The following NCALD variants were observed in gnomAD, a reference collection of about 807,000 sequenced individuals.
NCALD encodes the protein neurocalcin delta.
A neutral mutation model predicts 18.6 loss-of-function variants in NCALD; 10 were observed. The observed-to-expected ratio is 0.54, with a 90% CI of 0.33 to 0.91. NCALD has a LOEUF of 0.91. Among genes scored for constraint, NCALD ranks in the 40% least tolerant of loss-of-function variants. The pLI is 0.03. For missense variants in NCALD, 184 were observed against 247.6 expected (o/e 0.74, Z 1.72); for synonymous variants, 88 against 87.4 (o/e 1.01, Z -0.04).
At chr8:102,085,075 C>T (rs1395126303) in intron 1 of NCALD, among the ~76,000 whole-genome samples, 1 of 152,142 alleles carries the variant, frequency 6.6e-6, no homozygotes, top group Non-Finnish European at 1.5e-5. Flanking sequence ...AGGGTCTGTA[C>T]ATGCACACGC....
intron 2 of NCALD, among the ~76,000 whole-genome samples, chr8:101,711,951 C>A (rs1815816338): frequency 6.6e-6 from 1 of 152,022 alleles, no homozygotes; most frequent in Non-Finnish European, 1.5e-5. Flanking sequence ...AGAAGAGCAA[C>A]CCCAAGGCAC....
intron 2 of NCALD, among the ~76,000 whole-genome samples, chr8:102,003,812 T>A (rs1821583273): frequency 6.6e-6 from 1 of 152,178 alleles, no homozygotes; most frequent in Non-Finnish European, 1.5e-5. Context: ...GAAAAGGCCT[T>A]TGACAAAATT....
chr8:101,949,352 GTC>G (rs1476784437), intron 2 of NCALD, among the ~76,000 whole-genome samples: 1 of 151,952 alleles, frequency 6.6e-6, no homozygotes, highest in African/African-American at 2.4e-5. Flanking sequence ...TCACAGGTCA[GTC>G]TCTCTTCTTT....
At chr8:102,109,312 T>G (rs1279419258) in intron 1 of NCALD, among the ~76,000 whole-genome samples, 1 of 150,390 alleles carries the variant, frequency 6.6e-6, no homozygotes, top group East Asian at 1.9e-4. Context: ...TTTTTTTTTT[T>G]AAGCCTAATT....
chr8:102,047,518 G>T (rs758117461), intron 1 of NCALD, among the ~76,000 whole-genome samples: 1 of 152,206 alleles, frequency 6.6e-6, no homozygotes, highest in Non-Finnish European at 1.5e-5. Flanking sequence ...CTGAGAAACT[G>T]AAATGTTAGC....
At chr8:101,915,681 A>C (rs1817949168) in intron 3 of NCALD, 1 of 152,216 alleles carries the variant, frequency 6.6e-6, no homozygotes, top group Non-Finnish European at 1.5e-5. Context: ...TTATATATAC[A>C]AAACTCCCAT....
intron 2 of NCALD, among the ~76,000 whole-genome samples, chr8:101,937,852 G>A (rs902330620): frequency 2.0e-5 from 3 of 152,126 alleles, no homozygotes; most frequent in Non-Finnish European, 4.4e-5. Context: ...CAAATAATTA[G>A]ATTAGTGGTA....
Position 101,833,610 on chromosome 8 carries a change from GT to G in NCALD, c.-20+53530del, listed in dbSNP as rs555031298. On this transcript the variant is annotated intron_variant, in intron 4 of 6. Transcript: ENST00000311028. ...ATGAAATTACTGTTTTTTGTTTCTT[GT>G]TTTTTTTTTTTTTTTTTTTTTTGGT... Among the ~76,000 whole-genome samples the G allele has an allele frequency of 5.8e-3, 514 of 88,392 alleles. 1 individual carries two copies. Among genetic ancestry groups the G allele is most frequent in the Middle Eastern group, 0.025 (3 of 120 alleles). The allele number at this position is 88,392 out of a possible 152,430, so 58.0% of individuals were successfully genotyped here.
intron 1 of NCALD, among the ~76,000 whole-genome samples, chr8:102,026,100 C>A (rs1180757242): frequency 2.6e-5 from 4 of 152,164 alleles, no homozygotes; most frequent in Non-Finnish European, 4.4e-5. Context: ...ATCCCACCTA[C>A]AACACATGGG....
chr8:102,033,841 A>G (rs2132148708), intron 1 of NCALD, among the ~76,000 whole-genome samples: 1 of 152,294 alleles, frequency 6.6e-6, no homozygotes, highest in Admixed American at 6.5e-5. Context: ...ACTTTTCAGG[A>G]GTAAAGATTT....
At chr8:102,072,793 C>T (rs1229318284) in intron 1 of NCALD, among the ~76,000 whole-genome samples, 1 of 152,092 alleles carries the variant, frequency 6.6e-6, no homozygotes, top group Non-Finnish European at 1.5e-5. Flanking sequence ...CAAGCATTAA[C>T]CATGGGACAC....
chr8:101,978,701 T>C (rs985886353), intron 2 of NCALD, among the ~76,000 whole-genome samples: 1 of 152,064 alleles, frequency 6.6e-6, no homozygotes, highest in Non-Finnish European at 1.5e-5. Context: ...CTAACATGCA[T>C]GAGGGGGCAG....
At chr8:102,118,163 G>C (rs779469031) in intron 1 of NCALD, among the ~76,000 whole-genome samples, 2 of 152,230 alleles carry the variant, frequency 1.3e-5, no homozygotes, top group African/African-American at 4.8e-5. Flanking sequence ...AGATCAGAGA[G>C]TGGAAGAGAG....
intron 1 of NCALD, among the ~76,000 whole-genome samples, chr8:101,724,901 A>T (rs766501412): frequency 1.3e-5 from 2 of 152,230 alleles, no homozygotes. Context: ...ATCCATAAAA[A>T]GTCAGAAAGA....
intron 1 of NCALD, among the ~76,000 whole-genome samples, chr8:102,029,776 G>C (rs1252831714): frequency 6.6e-6 from 1 of 152,156 alleles, no homozygotes; most frequent in Non-Finnish European, 1.5e-5. Flanking sequence ...TTGCGGTCAG[G>C]ACGAGAAATT....
intron 2 of NCALD, among the ~76,000 whole-genome samples, chr8:101,958,460 G>T (rs1211929181): frequency 3.3e-5 from 5 of 152,142 alleles, no homozygotes. Flanking sequence ...ACTCCTTGGA[G>T]TTCGTTCAAG....
At chr8:101,740,921 T>A (rs969100815) in intron 1 of NCALD, among the ~76,000 whole-genome samples, 3 of 152,212 alleles carry the variant, frequency 2.0e-5, no homozygotes, top group African/African-American at 7.2e-5. Context: ...TAATTTAACT[T>A]CTATTCAACT....
intron 4 of NCALD, among the ~76,000 whole-genome samples, chr8:101,870,251 T>C (rs905421801): frequency 1.3e-5 from 2 of 152,218 alleles, no homozygotes; most frequent in Admixed American, 1.3e-4. Flanking sequence ...ATGACTTTTT[T>C]CCTTACTAAA....
chr8:101,988,551 C>A (rs1191229621), intron 2 of NCALD, among the ~76,000 whole-genome samples: 3 of 152,174 alleles, frequency 2.0e-5, no homozygotes, highest in Non-Finnish European at 4.4e-5. Flanking sequence ...GACTCAGTGA[C>A]AATACACGTC....
Sources: gnomAD v4.1 joint callset for allele counts (sites outside exome capture counted in the v4.1 genomes callset) on GRCh38, gnomAD v4.1.1 for gene constraint, MANE v1.5 for transcripts, NCBI Gene and HGNC (gene_info 2026-07-23, HGNC 2026-07-21) for gene names.